The following GPATCH8 variants were observed in gnomAD, a reference collection of about 807,000 sequenced individuals.
The protein encoded by GPATCH8 is G patch domain-containing protein 8.
GPATCH8 carries 18 observed loss-of-function variants against 118.3 expected under a neutral mutation model. That is an observed-to-expected ratio of 0.15 (90% CI 0.11 to 0.23). GPATCH8 has a LOEUF of 0.23. GPATCH8 is among the 10% of genes least tolerant of loss of function. The pLI is 1.00. For missense variants in GPATCH8, 1,631 were observed against 1,873.8 expected, an observed-to-expected ratio of 0.87 and a Z score of 2.39; for synonymous variants, 659 against 684.7, an observed-to-expected ratio of 0.96 and a Z score of 0.59.
At chr17:44,455,377 T>C (rs1401122451) in intron 3 of GPATCH8, among the ~76,000 whole-genome samples, 1 of 151,990 alleles carries the variant, frequency 6.6e-6, no homozygotes, top group East Asian at 1.9e-4. Flanking sequence ...GGCACATGCC[T>C]GTAATCCCAG....
chr17:44,487,631 T>C (rs1210353183), intron 1 of GPATCH8, among the ~76,000 whole-genome samples: 1 of 152,152 alleles, frequency 6.6e-6, no homozygotes, highest in Admixed American at 6.6e-5. Flanking sequence ...AGAACAGAAG[T>C]TTTAAATTTT....
intron 6 of GPATCH8, chr17:44,409,482 G>A (rs1350138325): frequency 6.6e-6 from 1 of 152,188 alleles, no homozygotes; most frequent in Non-Finnish European, 1.5e-5. Context: ...CTTCAAAAGA[G>A]GTGACTGTTC....
rs1192762089 is a variant in GPATCH8, at chr17:44,464,564, G to C, written c.121-20C>G. On this transcript the variant is annotated intron_variant, in intron 2 of 7. Transcript: ENST00000591680. Reference sequence around the variant, plus strand: ...ATTATCCTGACAGACAGAACAGAGAGACAAACCAAAAATATTCCAATAATA... The same window carrying C: ...ATTATCCTGACAGACAGAACAGAGACACAAACCAAAAATATTCCAATAATA... The C allele has an allele frequency of 2.8e-6, 4 of 1,415,324 alleles. No individual in the cohort carries two copies. Among genetic ancestry groups the C allele is most frequent in the Non-Finnish European group, 4.0e-6 (4 of 1,000,010 alleles). The allele number at this position is 1,415,324 out of a possible 1,614,324, so 87.7% of individuals were successfully genotyped here.
chr17:44,474,512 T>C, intron 2 of GPATCH8: 1 of 400,276 alleles, frequency 2.5e-6, no homozygotes, highest in South Asian at 2.2e-5. Context: ...AGGATCAAAA[T>C]ACATTTTACT....
chr17:44,427,026 T>A (rs1481610272), intron 5 of GPATCH8, among the ~76,000 whole-genome samples: 1 of 152,142 alleles, frequency 6.6e-6, no homozygotes, highest in African/African-American at 2.4e-5. Flanking sequence ...TGTGTACATA[T>A]ATACACACAT....
At chr17:44,502,050 T>C (rs761452165) in intron 1 of GPATCH8, among the ~76,000 whole-genome samples, 5 of 152,176 alleles carry the variant, frequency 3.3e-5, no homozygotes, top group African/African-American at 4.8e-5. Flanking sequence ...GTGCTGCAGC[T>C]ATACAGCAGG....
intron 1 of GPATCH8, among the ~76,000 whole-genome samples, chr17:44,479,732 G>A (rs1480791569): frequency 6.6e-6 from 1 of 152,162 alleles, no homozygotes; most frequent in Non-Finnish European, 1.5e-5. Context: ...ACTTTGGGAG[G>A]TCGAGGCGGG....
At chr17:44,424,247 A>G (rs1406081535) in intron 6 of GPATCH8, 102 bp downstream of exon 6, 2 of 840,816 alleles carry the variant, frequency 2.4e-6, no homozygotes, top group Admixed American at 1.8e-5. Context: ...TGGCAGACAC[A>G]AGAAATCATA....
intron 3 of GPATCH8, among the ~76,000 whole-genome samples, chr17:44,453,565 A>G (rs2051215775): frequency 7.3e-6 from 1 of 136,676 alleles, no homozygotes; most frequent in African/African-American, 2.8e-5. Flanking sequence ...TCTCACTGTC[A>G]TCCAGGCTGG....
Position 44,400,876 on chromosome 17 carries a change from G to A in GPATCH8, c.1201C>T (p.His401Tyr). 1 of 1,613,828 alleles carries A rather than the reference G, an allele frequency of 6.2e-7. No homozygotes were observed. The highest frequency in any genetic ancestry group is 1.1e-5 in the South Asian group (1 of 91,080). ...GGAAAATTAGGTTTTACTTTGCAGT[G>A]TGCTGGGGGGATGTAGTGGTAATAC... is the stretch of plus-strand genomic sequence containing the variant. ...PEYYHYIPPAHCKVKPNFPFL... is the reference protein window; with the variant it reads ...PEYYHYIPPAYCKVKPNFPFL... Residue 401 changes from histidine (H) to tyrosine (Y), a missense_variant, in exon 8 of 8, where the codon CAC becomes TAC. Coordinates refer to ENST00000591680, the MANE Select transcript of GPATCH8 (RefSeq NM_001002909.4).
intron 2 of GPATCH8, among the ~76,000 whole-genome samples, chr17:44,466,170 G>A (rs947812788): frequency 6.6e-6 from 1 of 151,060 alleles, no homozygotes; most frequent in Non-Finnish European, 1.5e-5. Flanking sequence ...ACTATGCCTG[G>A]ATAATTTTTT....
intron 1 of GPATCH8, among the ~76,000 whole-genome samples, chr17:44,482,844 G>A (rs1968381175): frequency 7.3e-6 from 1 of 137,162 alleles, no homozygotes; most frequent in Non-Finnish European, 1.5e-5. Context: ...GAAGCTTGTA[G>A]TAGAAGTTAA....
At chr17:44,487,710 A>C (rs12602455) in intron 1 of GPATCH8, among the ~76,000 whole-genome samples, 1 of 152,282 alleles carries the variant, frequency 6.6e-6, no homozygotes, top group Non-Finnish European at 1.5e-5. Flanking sequence ...AAAAGTTATC[A>C]CCAACCCCAG....
intron 5 of GPATCH8, among the ~76,000 whole-genome samples, 181 bp downstream of exon 5, chr17:44,434,884 C>A (rs879496709): frequency 6.6e-6 from 1 of 152,200 alleles, no homozygotes; most frequent in Non-Finnish European, 1.5e-5. Context: ...GTATTATTAT[C>A]TCTATAGTTT....
At chr17:44,464,866 C>T (rs1229857667) in intron 2 of GPATCH8, 1 of 317,436 alleles carries the variant, frequency 3.2e-6, no homozygotes, top group African/African-American at 2.2e-5. Flanking sequence ...TTTAAAATAA[C>T]ACTAAAAAGC....
rs2048894691 is a variant in GPATCH8 at position 44,399,011 on chromosome 17, A to G, written c.3066T>C (p.Arg1022=). 1 of 1,613,782 alleles carries G rather than the reference A, an allele frequency of 6.2e-7. No individual in the cohort carries two copies. Among genetic ancestry groups the G allele is most frequent in the African/African-American group, 1.3e-5 (1 of 74,864 alleles). The change falls in exon 8 of 8, where the codon CGT becomes CGC. Residue 1022 remains arginine (R), a synonymous_variant. Coordinates refer to ENST00000591680, the MANE Select transcript of GPATCH8 (RefSeq NM_001002909.4). Reference sequence around the variant, plus strand: ...AGATCTTAGAACGAATGAAGTCCCGACGCCCAGAATGCCTCTCCTCAGGGC... The same window carrying G: ...AGATCTTAGAACGAATGAAGTCCCGGCGCCCAGAATGCCTCTCCTCAGGGC... ...HESPEERHSG[R]RDFIRSKIYR...
chr17:44,435,120 C>T lies in GPATCH8; in HGVS notation c.293G>A (p.Arg98His). 1.3e-6 allele frequency: 2 copies of T among 1,525,788 alleles called. No homozygotes were observed. The highest frequency in any genetic ancestry group is 1.7e-4 in the Middle Eastern group (1 of 5,908). The allele number at this position is 1,525,788 out of a possible 1,614,324, so 94.5% of individuals were successfully genotyped here. A position where few individuals can be genotyped will look rare whatever the true frequency, so the allele number is the denominator to read the frequency against. ...TTCTTTTTCTACTTCTAGGACACGG[C>T]GCCGTTCGGTAGCATCTTCAGCATA... The part of the protein sequence containing the change: ...LDYAEDATER[R>H]RVLEVEKEDT... The change falls in exon 5 of 8, where the codon CGC becomes CAC. Residue 98 changes from arginine (R) to histidine (H), a missense_variant. Transcript: ENST00000591680.
In GPATCH8 at chr17:44,397,907, G is replaced by GGCGGCAGCAGCT; in HGVS notation, c.4158_4169dup (p.Ala1387_Ala1390dup). On this transcript the variant is annotated inframe_insertion, in exon 8 of 8. Transcript: ENST00000591680. ...GATGGGGGTGAGGGTGAATGCCGAT[G>GGCGGCAGCAGCT]GCGGCAGCAGCTGCGGCAGCATGAT... 3 of 1,612,062 alleles carry GGCGGCAGCAGCT rather than the reference G, an allele frequency of 1.9e-6. No homozygotes were observed. Among genetic ancestry groups the GGCGGCAGCAGCT allele is most frequent in the South Asian group, 1.1e-5 (1 of 91,032 alleles).
intron 6 of GPATCH8, among the ~76,000 whole-genome samples, chr17:44,423,536 T>A (rs910289922): frequency 2.6e-5 from 4 of 152,158 alleles, no homozygotes; most frequent in African/African-American, 9.7e-5. Flanking sequence ...CCAATGCTCA[T>A]AAATTTACAA....
Sources: gnomAD v4.1 joint callset for allele counts (sites outside exome capture counted in the v4.1 genomes callset) on GRCh38, gnomAD v4.1.1 for gene constraint, MANE v1.5 for transcripts, NCBI Gene and HGNC (gene_info 2026-07-23, HGNC 2026-07-21) for gene names.